Variants in MATN3 observed in about 807,000 individuals in gnomAD.
MATN3 encodes matrilin 3, also known as matrilin-3.
A neutral mutation model predicts 45.3 loss-of-function variants in MATN3; 48 were observed. That is an observed-to-expected ratio of 1.06 (90% confidence interval 0.84 to 1.35). The LOEUF is 1.35. Among genes scored for constraint, MATN3 ranks in the 40% most tolerant of loss-of-function variants. MATN3 has a pLI of 0.00. For synonymous variants in MATN3, 217 were observed against 245.9 expected (o/e 0.88, Z 1.10); for missense variants, 599 against 628.0 (o/e 0.95, Z 0.49).
intron 3 of MATN3, among the ~76,000 whole-genome samples, chr2:20,002,793 T>TG (rs111558804): frequency 1.3e-5 from 2 of 151,922 alleles, no homozygotes; most frequent in African/African-American, 2.4e-5. Flanking sequence ...TTTGTAGAGA[T>TG]GGGGTCTCAC....
intron 1 of MATN3, among the ~76,000 whole-genome samples, chr2:20,007,923 A>T (rs749895983): frequency 6.6e-6 from 1 of 152,152 alleles, no homozygotes; most frequent in East Asian, 1.9e-4. Flanking sequence ...AATCAAATCC[A>T]CAAGTCAGGA....
At position 20,005,935 on chromosome 2, in the gene MATN3, T is replaced by C; in HGVS notation, c.599A>G (p.Gln200Arg). The C allele has an allele frequency of 6.2e-7, 1 of 1,613,826 alleles. No individual in the cohort carries two copies. Among genetic ancestry groups the C allele is most frequent in the Non-Finnish European group, 8.5e-7 (1 of 1,179,794 alleles). ...VAIIVTDGRP[Q>R]DQVNEVAARA... ...AGCCGCCACCTCATTCACCTGGTCC[T>C]GGGGCCTCCCATCTGTAACAATGAT... is the stretch of plus-strand genomic sequence containing the variant. The change falls in exon 2 of 8, where the codon CAG becomes CGG. Residue 200 changes from glutamine (Q) to arginine (R), a missense_variant. Physicochemically the swap from Gln to Arg is conservative, Grantham distance 43. Coordinates refer to ENST00000407540, the MANE Select transcript of MATN3 (RefSeq NM_002381.5).
At chr2:19,997,929 G>A (rs1374261995) in intron 5 of MATN3, 1 of 152,240 alleles carries the variant, frequency 6.6e-6, no homozygotes, top group Middle Eastern at 3.2e-3. Flanking sequence ...GGAGAGCAAA[G>A]TGCCATACTC....
In MATN3 at chr2:20,005,735, C is replaced by T; in HGVS notation, c.790+9G>A. 1 of 1,578,670 alleles carries T rather than the reference C, an allele frequency of 6.3e-7. No homozygotes were observed. The highest frequency in any genetic ancestry group is 8.6e-7 in the Non-Finnish European group (1 of 1,157,714). On this transcript the variant is annotated intron_variant, in intron 2 of 7. Coordinates refer to ENST00000407540, the MANE Select transcript of MATN3 (RefSeq NM_002381.5). Reference sequence around the variant, plus strand: ...CTTTCTAGTTGGAAGCAAAGACTGACCAACTTACCACAGAAGGTTTCCTGG... The same window carrying T: ...CTTTCTAGTTGGAAGCAAAGACTGATCAACTTACCACAGAAGGTTTCCTGG...
rs1416001654 is a variant in MATN3 at position 20,012,320 on chromosome 2, G to T, written c.223+89C>A. ...GCCTCTTTCCCCCGCACCACGGTCG[G>T]CCTGAGGCCGGGATGAAGCGCGCTT... On this transcript the variant is annotated intron_variant, in intron 1 of 7. Transcript: ENST00000407540. The surrounding 1 kb of genome is among the most constrained non-coding windows in gnomAD (Gnocchi z 4.3). The T allele has an allele frequency of 2.9e-6, 3 of 1,041,364 alleles. No individual in the cohort carries two copies. Among genetic ancestry groups the T allele is most frequent in the African/African-American group, 1.7e-5 (1 of 60,418 alleles). 64.5% of individuals were successfully genotyped at this position (1,041,364 alleles called of 1,614,324 possible).
At chr2:20,011,135 G>A (rs1392074212) in intron 1 of MATN3, among the ~76,000 whole-genome samples, 1 of 152,228 alleles carries the variant, frequency 6.6e-6, no homozygotes, top group South Asian at 2.1e-4. Context: ...GTGGAATCTC[G>A]CATTTATTAA....
chr2:19,996,223 A>G (rs1672862439), intron 6 of MATN3, among the ~76,000 whole-genome samples: 1 of 152,188 alleles, frequency 6.6e-6, no homozygotes, highest in African/African-American at 2.4e-5. Context: ...AAATGGAGAA[A>G]TGGTGCTTAT....
intron 4 of MATN3, among the ~76,000 whole-genome samples, chr2:20,001,227 AC>A (rs1432036389): frequency 7.9e-5 from 12 of 152,264 alleles, no homozygotes; most frequent in African/African-American, 2.9e-4. Context: ...CCAGAAATTA[AC>A]ATTGATATAA....
intron 1 of MATN3, among the ~76,000 whole-genome samples, chr2:20,007,171 G>A (rs1673123793): frequency 6.6e-6 from 1 of 151,880 alleles, no homozygotes. Flanking sequence ...TTACGCCACT[G>A]CACTCCAGCC....
intron 2 of MATN3, among the ~76,000 whole-genome samples, chr2:20,005,115 C>T (rs898014958): frequency 1.3e-5 from 2 of 152,134 alleles, no homozygotes; most frequent in African/African-American, 4.8e-5. Flanking sequence ...TTAAGATCAT[C>T]TTGCTTTCTT....
intron 1 of MATN3, among the ~76,000 whole-genome samples, chr2:20,010,130 T>C (rs1452400122): frequency 1.4e-5 from 2 of 139,136 alleles, no homozygotes; most frequent in Non-Finnish European, 3.0e-5. Flanking sequence ...GTCCCATAGA[T>C]CTAGAGCTAG....
In MATN3 at chr2:19,997,131, C is replaced by T. The variant is rs778003681; in HGVS notation, c.1294+3G>A. ...GAAATAGCCTTAAAGGGCTGATCCTCACCTGAACATGTTTTCTTGTCCTCA... is the reference window on the plus strand; with the variant it reads ...GAAATAGCCTTAAAGGGCTGATCCTTACCTGAACATGTTTTCTTGTCCTCA... On this transcript the variant is annotated splice_donor_region_variant and intron_variant, in intron 6 of 7. Coordinates refer to ENST00000407540, the MANE Select transcript of MATN3 (RefSeq NM_002381.5). 11 of 1,613,456 alleles carry T rather than the reference C, an allele frequency of 6.8e-6. No homozygotes were observed. The African/African-American group carries it at 8.0e-5, about 12-fold the overall frequency.
At chr2:20,008,419 G>C (rs555232073) in intron 1 of MATN3, among the ~76,000 whole-genome samples, 70 of 152,150 alleles carry the variant, frequency 4.6e-4, no homozygotes, top group African/African-American at 1.6e-3. Flanking sequence ...GTAATACTTA[G>C]TAGGAAAAAA....
rs779413744 is a variant in MATN3 at position 20,006,016 on chromosome 2, G to A, written c.518C>T (p.Ala173Val). ...TCGAGCCCCTGCCTCCACTGTGAAG[G>A]CTTCGTCCATTGCTGTCTGGATGGC... ...GLAIQTAMDE[A>V]FTVEAGAREP... The change falls in exon 2 of 8, where the codon GCC (alanine) becomes GTC (valine). Residue 173 changes from alanine to valine, a missense_variant. By Grantham distance (64) the Ala-to-Val change is moderately conservative (BLOSUM62 0). Transcript: ENST00000407540. 14 of 1,614,016 alleles carry A rather than the reference G, an allele frequency of 8.7e-6. No homozygotes were observed. The Admixed American group carries it at 1.5e-4, about 17-fold the overall frequency.
intron 1 of MATN3, among the ~76,000 whole-genome samples, chr2:20,011,869 T>C (rs1163998589): frequency 2.6e-5 from 4 of 152,116 alleles, no homozygotes; most frequent in Non-Finnish European, 4.4e-5. Context: ...AAAAGAGAAA[T>C]AGAATTGTTC....
chr2:20,002,025 G>T lies in MATN3; in HGVS notation c.972C>A (p.Asp324Glu), dbSNP rs372565565. The T allele has an allele frequency of 3.3e-5, 53 of 1,613,234 alleles. No homozygotes were observed. The highest frequency in any genetic ancestry group is 4.2e-5 in the Non-Finnish European group (49 of 1,179,236). Residue 324 changes from aspartate to glutamate, a missense_variant, in exon 4 of 8, where the codon GAC becomes GAA. By Grantham distance (45) the Asp-to-Glu change is conservative (BLOSUM62 2). Transcript: ENST00000407540. The stretch of plus-strand genomic sequence containing the variant: ...ACTCACAATGATAAGAGCCACTTCT[G>T]TCATTCACACAGATGTGCTCACATC... Reference protein sequence around the residue: ...THGCEHICVNDRSGSYHCECY... With the variant: ...THGCEHICVNERSGSYHCECY...
Position 19,994,374 on chromosome 2 carries a change from C to A in MATN3, c.1330G>T (p.Asp444Tyr). The change falls in exon 7 of 8, where the codon GAT becomes TAT. Residue 444 changes from aspartate to tyrosine, a missense_variant. Transcript: ENST00000407540. ...EEARRLVSTE[D>Y]ACGCEATLAF... ...AGTGTAGCTTCACATCCACAAGCAT[C>A]TTCAGTGGAAACAAGTCTTCGTGCT... 6.2e-7 allele frequency: 1 copy of A among 1,613,394 alleles called. No homozygotes were observed. Among genetic ancestry groups the A allele is most frequent in the Non-Finnish European group, 8.5e-7 (1 of 1,179,544 alleles).
chr2:19,994,322 T>TA lies in MATN3; in HGVS notation c.1381dup (p.Tyr461LeufsTer8). The TA allele has an allele frequency of 1.2e-6, 2 of 1,613,164 alleles. No individual in the cohort carries two copies. Among genetic ancestry groups the TA allele is most frequent in the Non-Finnish European group, 1.7e-6 (2 of 1,179,302 alleles). On this transcript the variant is annotated frameshift_variant, in exon 7 of 8. Coordinates refer to ENST00000407540, the MANE Select transcript of MATN3 (RefSeq NM_002381.5). LOFTEE classifies it high-confidence loss of function. ...ATGTTTAGTGTTCAGTCTTTGAAGATACGAGCTGACCTTGTCCTGGAATGC... is the reference window on the plus strand; with the variant it reads ...ATGTTTAGTGTTCAGTCTTTGAAGATAACGAGCTGACCTTGTCCTGGAATGC...
At chr2:19,993,667 T>C (rs760933695) in intron 7 of MATN3, among the ~76,000 whole-genome samples, 1 of 152,182 alleles carries the variant, frequency 6.6e-6, no homozygotes, top group East Asian at 1.9e-4. Context: ...GATTTGGAAA[T>C]TGATTCTTTC....
Sources: allele counts gnomAD v4.1 joint callset (sites outside exome capture counted in the v4.1 genomes callset), GRCh38; gene constraint gnomAD v4.1.1; non-coding constraint Gnocchi (gnomAD v3.1); transcripts MANE v1.5; gene names NCBI Gene and HGNC (gene_info 2026-07-23, HGNC 2026-07-21).